The following UNC5D variants were observed in gnomAD, a reference collection of about 807,000 sequenced individuals.
The protein encoded by UNC5D is netrin receptor UNC5D.
UNC5D carries 39 observed loss-of-function variants against 105.4 expected under a neutral mutation model. That is an observed-to-expected ratio of 0.37 (90% confidence interval 0.29 to 0.48). The LOEUF is 0.48. Ranked by LOEUF, UNC5D falls within the 20% of genes least tolerant of loss-of-function variation. UNC5D has a pLI of 0.98. For synonymous variants in UNC5D, 452 were observed against 450.4 expected (o/e 1.00, Z -0.04); for missense variants, 991 against 1,202.4 (o/e 0.82, Z 2.60).
intron 7 of UNC5D, among the ~76,000 whole-genome samples, chr8:35,688,952 G>C (rs1277091041): frequency 6.6e-6 from 1 of 152,162 alleles, no homozygotes; most frequent in Non-Finnish European, 1.5e-5. Context: ...ATATACATCT[G>C]GTCAATTTTA....
At chr8:35,739,949 A>G (rs1020590243) in intron 11 of UNC5D, among the ~76,000 whole-genome samples, 1 of 152,210 alleles carries the variant, frequency 6.6e-6, no homozygotes, top group African/African-American at 2.4e-5. Context: ...TTTAAATTAA[A>G]CCATAACAAC....
intron 1 of UNC5D, among the ~76,000 whole-genome samples, chr8:35,372,282 C>T (rs1255992368): frequency 2.0e-5 from 3 of 151,972 alleles, no homozygotes; most frequent in African/African-American, 7.2e-5. Flanking sequence ...CACTACCATA[C>T]CTGGTTACGT....
intron 4 of UNC5D, among the ~76,000 whole-genome samples, chr8:35,605,062 T>A (rs1186413700): frequency 6.6e-6 from 1 of 152,236 alleles, no homozygotes; most frequent in Non-Finnish European, 1.5e-5. Flanking sequence ...TCATTCTCCG[T>A]CCAGCTTTGT....
At chr8:35,492,308 G>A (rs1811265897) in intron 1 of UNC5D, among the ~76,000 whole-genome samples, 1 of 152,024 alleles carries the variant, frequency 6.6e-6, no homozygotes, top group South Asian at 2.1e-4. Flanking sequence ...TATTTTAACT[G>A]TGACATGATG....
At chr8:35,499,215 T>C (rs1811814944) in intron 1 of UNC5D, among the ~76,000 whole-genome samples, 1 of 152,250 alleles carries the variant, frequency 6.6e-6, no homozygotes, top group Admixed American at 6.5e-5. Flanking sequence ...TATTTTTTAC[T>C]ATCCTCCTGC....
At chr8:35,265,868 CATAATAATAATAATA>C (rs3991303) in intron 1 of UNC5D, among the ~76,000 whole-genome samples, 11 of 142,504 alleles carry the variant, frequency 7.7e-5, no homozygotes, top group South Asian at 4.6e-4. Flanking sequence ...AGACTCGTCT[CATAATAATAATAATA>C]ATAATAATAA....
chr8:35,464,045 G>A (rs759731053), intron 1 of UNC5D, among the ~76,000 whole-genome samples: 6 of 151,966 alleles, frequency 3.9e-5, no homozygotes, highest in South Asian at 2.1e-4. Flanking sequence ...GAAAACAGTC[G>A]GCCAGGCGCA....
In UNC5D at chr8:35,235,907, G is replaced by GACA. The variant is rs1284130769; in HGVS notation, c.103+20_103+21insACA. ...CCCGAGGTAAGCGCTGGGCGGAGCGGGCAGCTGGGGGCGAGGGCGCAGGGG... is the reference window on the plus strand; with the variant it reads ...CCCGAGGTAAGCGCTGGGCGGAGCGGACAGCAGCTGGGGGCGAGGGCGCAGGGG... On this transcript the variant is annotated intron_variant, in intron 1 of 16. Coordinates refer to ENST00000404895, the MANE Select transcript of UNC5D (RefSeq NM_080872.4). The GACA allele has an allele frequency of 3.1e-4, 373 of 1,207,452 alleles. 6 individuals carry two copies. The East Asian group carries it at 9.7e-3, about 31-fold the overall frequency. 74.8% of individuals were successfully genotyped at this position (1,207,452 alleles called of 1,614,324 possible).
intron 1 of UNC5D, among the ~76,000 whole-genome samples, chr8:35,414,589 TAA>T (rs1805413948): frequency 6.6e-6 from 1 of 152,096 alleles, no homozygotes; most frequent in Non-Finnish European, 1.5e-5. Flanking sequence ...TTTTCAAAAC[TAA>T]AAAATTACAC....
intron 1 of UNC5D, among the ~76,000 whole-genome samples, chr8:35,243,390 T>C (rs1339457740): frequency 6.6e-6 from 1 of 152,166 alleles, no homozygotes; most frequent in African/African-American, 2.4e-5. Context: ...TCACAATATT[T>C]TAAAAGTCTT....
chr8:35,403,904 C>T (rs1057196216), intron 1 of UNC5D, among the ~76,000 whole-genome samples: 4 of 152,202 alleles, frequency 2.6e-5, no homozygotes, highest in Non-Finnish European at 5.9e-5. Context: ...ATCTTCCCCT[C>T]TGTTCCCTCC....
chr8:35,545,092 T>C (rs2130656787), intron 1 of UNC5D, among the ~76,000 whole-genome samples: 1 of 152,302 alleles, frequency 6.6e-6, no homozygotes, highest in Admixed American at 6.5e-5. Flanking sequence ...CAGCCATTTG[T>C]CCTACCAGAA....
chr8:35,615,531 T>C (rs1042693212), intron 4 of UNC5D, among the ~76,000 whole-genome samples: 5 of 152,200 alleles, frequency 3.3e-5, no homozygotes, highest in African/African-American at 1.2e-4. Context: ...AGACAGAGTC[T>C]TGCTCTGTCA....
chr8:35,705,783 A>T (rs1401919883), intron 7 of UNC5D, 146 bp from the exon 8 acceptor site: 1 of 421,992 alleles, frequency 2.4e-6, no homozygotes, highest in Admixed American at 4.8e-5. Context: ...GAATGAAAAA[A>T]CTATGGACAA....
chr8:35,667,207 T>C, intron 4 of UNC5D, among the ~76,000 whole-genome samples: 1 of 152,130 alleles, frequency 6.6e-6, no homozygotes, highest in East Asian at 1.9e-4. Flanking sequence ...TAGGACAGTC[T>C]AAATTATGAT....
intron 4 of UNC5D, among the ~76,000 whole-genome samples, chr8:35,630,727 G>C (rs965905467): frequency 2.0e-5 from 3 of 152,100 alleles, no homozygotes; most frequent in African/African-American, 4.8e-5. Flanking sequence ...AAATCTCCCC[G>C]CATCTACTTT....
intron 14 of UNC5D, among the ~76,000 whole-genome samples, chr8:35,762,100 G>GACTT (rs1466666912): frequency 6.6e-6 from 1 of 152,118 alleles, no homozygotes; most frequent in Admixed American, 6.6e-5. Flanking sequence ...TCTGGGAGCT[G>GACTT]ACTTATTACA....
At chr8:35,486,340 G>T (rs969106792) in intron 1 of UNC5D, among the ~76,000 whole-genome samples, 1 of 152,078 alleles carries the variant, frequency 6.6e-6, no homozygotes, top group African/African-American at 2.4e-5. Context: ...ACATAATAAG[G>T]TGCCCAGAGT....
At chr8:35,653,998 A>C (rs572639301) in intron 4 of UNC5D, among the ~76,000 whole-genome samples, 27 of 152,272 alleles carry the variant, frequency 1.8e-4, no homozygotes, top group African/African-American at 6.3e-4. Context: ...ATCTGCAGGA[A>C]TTCTTTGTGG....
Sources: allele counts gnomAD v4.1 joint callset (sites outside exome capture counted in the v4.1 genomes callset), GRCh38; gene constraint gnomAD v4.1.1; transcripts MANE v1.5; gene names NCBI Gene and HGNC (gene_info 2026-07-23, HGNC 2026-07-21).